Variants in DPP10 observed in about 807,000 individuals in gnomAD.
The protein encoded by DPP10 is dipeptidyl peptidase like 10.
Under a neutral mutation model 120.9 loss-of-function variants are expected in DPP10, and 33 were observed. The ratio of observed to expected loss-of-function variants is 0.27; its 90% CI spans 0.21 to 0.37. DPP10 has a LOEUF of 0.37. Ranked by LOEUF, DPP10 falls within the 10% of genes least tolerant of loss-of-function variation. The probability of loss-of-function intolerance (pLI) is 1.00; values close to 1 mark genes in which losing one functional copy is unlikely to be tolerated. For missense variants in DPP10, 816 were observed against 942.8 expected, an observed-to-expected ratio of 0.87 and a Z score of 1.76; for synonymous variants, 337 against 326.1, an observed-to-expected ratio of 1.03 and a Z score of -0.36.
At chr2:115,114,903 A>C (rs757766175) in intron 1 of DPP10, among the ~76,000 whole-genome samples, 4 of 151,994 alleles carry the variant, frequency 2.6e-5, no homozygotes, top group African/African-American at 4.8e-5. Flanking sequence ...ACTGCCAACA[A>C]GGGAAGTGGG....
rs142360090 is a variant in DPP10, at chr2:115,147,085, A to T, written c.61-162154A>T. Among the ~76,000 whole-genome samples the T allele has an allele frequency of 3.6e-3, 552 of 152,114 alleles. 5 individuals are homozygous for T. Among genetic ancestry groups the T allele is most frequent in the African/African-American group, 0.013 (530 of 41,522 alleles). ...TTATGACAGATTTATCTAACTATAA[A>T]AGTCTATTTAATGTCGTTTTATTGG... On this transcript the variant is annotated intron_variant, in intron 1 of 25. Coordinates refer to ENST00000410059, the MANE Select transcript of DPP10 (RefSeq NM_020868.6).
chr2:115,610,032 A>G (rs757130258), intron 5 of DPP10, among the ~76,000 whole-genome samples: 11 of 152,218 alleles, frequency 7.2e-5, no homozygotes, highest in Non-Finnish European at 1.3e-4. Context: ...ATTATCTTAC[A>G]TAGTTTCTGT....
intron 1 of DPP10, among the ~76,000 whole-genome samples, chr2:114,519,997 A>G (rs1456543161): frequency 6.6e-6 from 1 of 152,166 alleles, no homozygotes; most frequent in East Asian, 1.9e-4. Context: ...CTGCTTTCAA[A>G]CACAACAACC....
At chr2:115,420,496 T>A (rs2069841567) in intron 3 of DPP10, among the ~76,000 whole-genome samples, 1 of 149,792 alleles carries the variant, frequency 6.7e-6, no homozygotes, top group South Asian at 2.1e-4. Context: ...TGCTGGATTG[T>A]GTCAAACAGT....
At position 114,636,376 on chromosome 2, in the gene DPP10, G is replaced by A. The variant is rs1430088526; in HGVS notation, c.60+193538G>A. Among the ~76,000 whole-genome samples the A allele has an allele frequency of 2.6e-5, 4 of 151,936 alleles. No individual in the cohort carries two copies. In the East Asian group the frequency reaches 7.7e-4, roughly 29 times the overall value. On this transcript the variant is annotated intron_variant, in intron 1 of 25. Coordinates refer to ENST00000410059, the MANE Select transcript of DPP10 (RefSeq NM_020868.6). ...CATTGGCATTTTCTCCTGCCTGCAG[G>A]CGAGTGGCCTTGAAAAATACCTTGA... is the stretch of plus-strand genomic sequence containing the variant.
At chr2:115,304,058 C>A (rs544121198) in intron 1 of DPP10, among the ~76,000 whole-genome samples, 2 of 152,090 alleles carry the variant, frequency 1.3e-5, no homozygotes, top group South Asian at 4.1e-4. Context: ...GCATAAATGT[C>A]TTTGAACTAT....
At chr2:115,218,172 C>T (rs1049609809) in intron 1 of DPP10, among the ~76,000 whole-genome samples, 10 of 152,106 alleles carry the variant, frequency 6.6e-5, no homozygotes, top group Non-Finnish European at 1.5e-5. Flanking sequence ...GACTTATATT[C>T]AAAAGGACAA....
At chr2:114,979,135 G>T (rs1699931735) in intron 1 of DPP10, among the ~76,000 whole-genome samples, 1 of 152,032 alleles carries the variant, frequency 6.6e-6, no homozygotes, top group African/African-American at 2.4e-5. Flanking sequence ...ACCATTTTCA[G>T]TAGTGTTTTA....
At chr2:114,903,111 C>A (rs1054033567) in intron 1 of DPP10, among the ~76,000 whole-genome samples, 8 of 152,014 alleles carry the variant, frequency 5.3e-5, no homozygotes, top group African/African-American at 1.9e-4. Context: ...TTTCTTCATG[C>A]CTTTTTATGG....
intron 1 of DPP10, among the ~76,000 whole-genome samples, chr2:114,588,629 C>A (rs568084437): frequency 6.6e-6 from 1 of 152,002 alleles, no homozygotes; most frequent in East Asian, 1.9e-4. Context: ...TAAATATGTA[C>A]AATGTCATTT....
intron 1 of DPP10, among the ~76,000 whole-genome samples, chr2:115,208,242 C>A (rs116787409): frequency 0.021 from 3,172 of 149,696 alleles, 45 homozygotes; most frequent in Middle Eastern, 0.048. Flanking sequence ...CTTTGTCGCC[C>A]AGGCTAGAGT....
At chr2:114,824,995 T>G (rs1686406839) in intron 1 of DPP10, among the ~76,000 whole-genome samples, 1 of 152,302 alleles carries the variant, frequency 6.6e-6, no homozygotes, top group East Asian at 1.9e-4. Flanking sequence ...ACTCAACAAG[T>G]GCTCATTGAG....
chr2:114,644,264 C>T (rs1324142906), intron 1 of DPP10, among the ~76,000 whole-genome samples: 1 of 151,190 alleles, frequency 6.6e-6, no homozygotes, highest in Non-Finnish European at 1.5e-5. Flanking sequence ...TTTATTTCTA[C>T]TACATCAGAC....
At chr2:115,670,416 T>C (rs2149439056) in intron 5 of DPP10, among the ~76,000 whole-genome samples, 1 of 150,526 alleles carries the variant, frequency 6.6e-6, no homozygotes, top group East Asian at 1.9e-4. Context: ...TCTCTAGAAT[T>C]CAAAGACATA....
At chr2:115,103,455 T>C (rs1255901248) in intron 1 of DPP10, among the ~76,000 whole-genome samples, 2 of 152,190 alleles carry the variant, frequency 1.3e-5, no homozygotes, top group East Asian at 3.9e-4. Context: ...CCCAAAGTGC[T>C]GGGATTACAG....
chr2:115,146,602 A>C (rs2051238725), intron 1 of DPP10, among the ~76,000 whole-genome samples: 1 of 151,752 alleles, frequency 6.6e-6, no homozygotes, highest in Non-Finnish European at 1.5e-5. Context: ...AAAAAAAAAC[A>C]ACCTCGAGTC....
chr2:115,220,411 C>G (rs1012730911), intron 1 of DPP10, among the ~76,000 whole-genome samples: 2 of 151,828 alleles, frequency 1.3e-5, no homozygotes, highest in African/African-American at 4.8e-5. Context: ...TTAATACTAT[C>G]CTAAGAAAAA....
intron 1 of DPP10, among the ~76,000 whole-genome samples, chr2:114,458,727 G>A (rs1156892568): frequency 1.3e-5 from 2 of 152,038 alleles, no homozygotes; most frequent in Non-Finnish European, 2.9e-5. Context: ...CATGATACAT[G>A]CAAAGTATTT....
chr2:115,683,900 G>T (rs1042175238), intron 5 of DPP10, among the ~76,000 whole-genome samples: 1 of 151,692 alleles, frequency 6.6e-6, no homozygotes, highest in Non-Finnish European at 1.5e-5. Flanking sequence ...TAAGATCTTA[G>T]TTCCAATTCT....
Sources: allele counts gnomAD v4.1 joint callset (sites outside exome capture counted in the v4.1 genomes callset), GRCh38; gene constraint gnomAD v4.1.1; transcripts MANE v1.5; gene names NCBI Gene and HGNC (gene_info 2026-07-23, HGNC 2026-07-21).